IFT74: variants seen among roughly 807,000 people sequenced by gnomAD.
IFT74 encodes intraflagellar transport 74.
In IFT74, 92 loss-of-function variants were observed where a neutral mutation model predicts 96.7. That is an observed-to-expected ratio of 0.95 (90% CI 0.80 to 1.13). The LOEUF (loss-of-function observed/expected upper bound fraction) is 1.13. Ranked by LOEUF, IFT74 falls within the 50% of genes most tolerant of loss-of-function variation. IFT74 has a pLI of 0.00. For synonymous variants in IFT74, 223 were observed against 213.2 expected (o/e 1.05, Z -0.40); for missense variants, 811 against 698.2 (o/e 1.16, Z -1.82).
At chr9:26,965,998 GTA>G (rs749926361) in intron 2 of IFT74, among the ~76,000 whole-genome samples, 14 of 151,110 alleles carry the variant, frequency 9.3e-5, no homozygotes, top group East Asian at 3.9e-4. Flanking sequence ...CATAGTATGT[GTA>G]TATATATATA....
intron 8 of IFT74, chr9:27,005,558 A>C (rs1387302811): frequency 6.6e-6 from 1 of 152,042 alleles, no homozygotes; most frequent in Non-Finnish European, 1.5e-5. Flanking sequence ...AAAAAATACA[A>C]CAATAACCAA....
intron 13 of IFT74, among the ~76,000 whole-genome samples, chr9:27,039,101 G>A (rs1394614049): frequency 6.6e-6 from 1 of 152,142 alleles, no homozygotes; most frequent in Non-Finnish European, 1.5e-5. Flanking sequence ...CTCACCATAT[G>A]GGCACCATGG....
chr9:27,031,782 AAATAAAATAAAATG>A lies in IFT74; in HGVS notation c.1054+2679_1054+2692del, dbSNP rs61132919. On this transcript the variant is annotated intron_variant, in intron 13 of 19. Coordinates refer to ENST00000380062, the MANE Select transcript of IFT74 (RefSeq NM_025103.4). ...AAAATAAAATAAAATAAAATAAAAT[AAATAAAATAAAATG>A]TAAAATAAAATAAAATAAAATGTAA... Among the ~76,000 whole-genome samples, 780 of 131,664 alleles carry A rather than the reference AAATAAAATAAAATG, an allele frequency of 5.9e-3. 6 individuals are homozygous for A. The highest frequency in any genetic ancestry group is 0.02 in the African/African-American group (756 of 37,136). The allele number at this position is 131,664 out of a possible 152,430, so 86.4% of individuals were successfully genotyped here. A position where few individuals can be genotyped will look rare whatever the true frequency, so the allele number is the denominator to read the frequency against.
chr9:27,005,215 A>G (rs905550150), intron 8 of IFT74, among the ~76,000 whole-genome samples: 2 of 152,080 alleles, frequency 1.3e-5, no homozygotes, highest in Non-Finnish European at 2.9e-5. Flanking sequence ...GCCTGCTTCA[A>G]TAATCATCAA....
At chr9:27,050,034 A>G (rs561708072) in intron 16 of IFT74, among the ~76,000 whole-genome samples, 10 of 152,196 alleles carry the variant, frequency 6.6e-5, no homozygotes, top group Admixed American at 5.2e-4. Flanking sequence ...CGACATTTCA[A>G]TTAGGACTAG....
chr9:27,010,711 GCC>G (rs918733966), intron 9 of IFT74, among the ~76,000 whole-genome samples: 1 of 147,856 alleles, frequency 6.8e-6, no homozygotes, highest in Non-Finnish European at 1.5e-5. Flanking sequence ...CAGGTGATCC[GCC>G]CCCCTCGGCT....
intron 18 of IFT74, among the ~76,000 whole-genome samples, chr9:27,060,070 G>A (rs16910971): frequency 1.3e-5 from 2 of 152,180 alleles, no homozygotes; most frequent in Admixed American, 6.5e-5. Context: ...AGAAATTATT[G>A]TAACAGTGCC....
At chr9:26,979,568 T>C (rs1054178476) in intron 3 of IFT74, among the ~76,000 whole-genome samples, 3 of 152,040 alleles carry the variant, frequency 2.0e-5, no homozygotes, top group African/African-American at 7.2e-5. Context: ...TAGTGCCCCA[T>C]TTCCCAGTAT....
intron 8 of IFT74, chr9:26,996,426 C>A: frequency 6.2e-7 from 1 of 1,605,112 alleles, no homozygotes; most frequent in Non-Finnish European, 8.5e-7. Flanking sequence ...GGCATTCAGC[C>A]TTATGAGGTA....
At chr9:27,012,723 T>TG (rs1829153413) in intron 10 of IFT74, among the ~76,000 whole-genome samples, 3 of 139,680 alleles carry the variant, frequency 2.1e-5, no homozygotes, top group Non-Finnish European at 4.6e-5. Context: ...TTTTTTTTTT[T>TG]TTTTTTTTTT....
At position 27,065,385 on chromosome 9, in the gene IFT74, G is replaced by A. The variant is rs114645187; in HGVS notation, c.*2649G>A. 9.5e-3 allele frequency among the ~76,000 whole-genome samples: 1,440 copies of A among 152,206 alleles called. 16 individuals carry two copies. The highest frequency in any genetic ancestry group is 0.033 in the African/African-American group (1,353 of 41,540). On this transcript the variant is annotated 3_prime_UTR_variant, in exon 20 of 20. Coordinates refer to ENST00000380062, the MANE Select transcript of IFT74 (RefSeq NM_025103.4). ...TCCTGAGTCAGTCACATTACTCAGG[G>A]GGTTCCATTCATGCTAAAATAACAC...
At chr9:27,048,423 T>C in intron 16 of IFT74, 149 bp downstream of exon 16, 1 of 561,088 alleles carries the variant, frequency 1.8e-6, no homozygotes, top group Non-Finnish European at 3.1e-6. Flanking sequence ...ATCAGCTGGC[T>C]AGTATTATGT....
At chr9:27,043,423 T>C (rs1819559014) in intron 13 of IFT74, among the ~76,000 whole-genome samples, 1 of 152,166 alleles carries the variant, frequency 6.6e-6, no homozygotes, top group Non-Finnish European at 1.5e-5. Flanking sequence ...CAGATGGAGG[T>C]TCATGTCTCT....
intron 1 of IFT74, among the ~76,000 whole-genome samples, chr9:26,950,919 G>T (rs560657666): frequency 2.0e-5 from 3 of 152,138 alleles, no homozygotes; most frequent in African/African-American, 7.2e-5. Context: ...CACTAAATTG[G>T]GTTCTTGATA....
rs141907072 is a variant in IFT74, at chr9:26,987,382, G to A, written c.466-1287G>A. Among the ~76,000 whole-genome samples the A allele has an allele frequency of 5.0e-3, 759 of 152,196 alleles. 11 individuals are homozygous for A. The highest frequency in any genetic ancestry group is 0.018 in the African/African-American group (740 of 41,528). On this transcript the variant is annotated intron_variant, in intron 6 of 19. Transcript: ENST00000380062. ...GGGGATTGCAGGCATGAGCCACCGCGCCCGGCCGAGAAAAGTAGTTTTTAA... is the reference window on the plus strand; with the variant it reads ...GGGGATTGCAGGCATGAGCCACCGCACCCGGCCGAGAAAAGTAGTTTTTAA...
In IFT74 at chr9:27,009,017, T is replaced by C; in HGVS notation, c.588-3T>C. 1 of 1,609,564 alleles carries C rather than the reference T, an allele frequency of 6.2e-7. No homozygotes were observed. Among genetic ancestry groups the C allele is most frequent in the Non-Finnish European group, 8.5e-7 (1 of 1,177,200 alleles). ...CAGGAATATTACGTGCTTCTGATTTTAGGAAAGAAAAACAAATCAGAAGTG... is the reference window on the plus strand; with the variant it reads ...CAGGAATATTACGTGCTTCTGATTTCAGGAAAGAAAAACAAATCAGAAGTG... On this transcript the variant is annotated splice_region_variant and splice_polypyrimidine_tract_variant and intron_variant, in intron 8 of 19. Coordinates refer to ENST00000380062, the MANE Select transcript of IFT74 (RefSeq NM_025103.4).
At chr9:27,002,135 A>G (rs1828531830) in intron 8 of IFT74, among the ~76,000 whole-genome samples, 1 of 151,976 alleles carries the variant, frequency 6.6e-6, no homozygotes. Context: ...AAACAACCAG[A>G]TCTTTTTTTC....
At chr9:27,012,865 C>T (rs759446853) in intron 10 of IFT74, among the ~76,000 whole-genome samples, 4 of 150,420 alleles carry the variant, frequency 2.7e-5, no homozygotes, top group South Asian at 2.1e-4. Context: ...TACAGGCACC[C>T]GCCACCACAC....
At chr9:26,966,026 G>A (rs1262237522) in intron 2 of IFT74, among the ~76,000 whole-genome samples, 3 of 151,910 alleles carry the variant, frequency 2.0e-5, no homozygotes, top group Admixed American at 1.3e-4. Context: ...ATATGTGTGT[G>A]TGTATATATA....
Sources: gnomAD v4.1 joint callset for allele counts (sites outside exome capture counted in the v4.1 genomes callset) on GRCh38, gnomAD v4.1.1 for gene constraint, MANE v1.5 for transcripts, NCBI Gene and HGNC (gene_info 2026-07-23, HGNC 2026-07-21) for gene names.